EPM2A: variants seen among roughly 807,000 people sequenced by gnomAD.
EPM2A encodes laforin.
A neutral mutation model predicts 26.5 loss-of-function variants in EPM2A; 21 were observed. The ratio of observed to expected loss-of-function variants is 0.79; its 90% CI spans 0.56 to 1.14. The LOEUF (loss-of-function observed/expected upper bound fraction) is 1.14, where lower values mean the gene tolerates loss of function less well. EPM2A is among the 50% of genes most tolerant of loss of function. EPM2A has a pLI of 0.00. For synonymous variants in EPM2A, 217 were observed against 177.6 expected (o/e 1.22, Z -1.76); for missense variants, 458 against 440.8 (o/e 1.04, Z -0.35).
At chr6:145,480,988 C>T (rs939257806) in intron 4 of EPM2A, among the ~76,000 whole-genome samples, 1 of 152,088 alleles carries the variant, frequency 6.6e-6, no homozygotes, top group African/African-American at 2.4e-5. Flanking sequence ...AGAAAATTTG[C>T]ATTTGCATCT....
intron 1 of EPM2A, among the ~76,000 whole-genome samples, chr6:145,701,121 G>A (rs558866865): frequency 7.2e-4 from 110 of 152,256 alleles, no homozygotes; most frequent in African/African-American, 2.5e-3. Flanking sequence ...AAAAGAGGGC[G>A]TAATCCTGGC....
chr6:145,571,552 G>A (rs1780955737), intron 2 of EPM2A, among the ~76,000 whole-genome samples: 1 of 152,176 alleles, frequency 6.6e-6, no homozygotes, highest in African/African-American at 2.4e-5. Flanking sequence ...ATTTCAGTGA[G>A]GACAAACCTC....
intron 2 of EPM2A, among the ~76,000 whole-genome samples, chr6:145,577,989 A>G (rs182578639): frequency 5.3e-5 from 8 of 152,240 alleles, no homozygotes; most frequent in Admixed American, 4.6e-4. Context: ...AAATTTAAAA[A>G]TTTCTTGAAT....
chr6:145,491,854 G>A (rs1779759550), intron 4 of EPM2A: 1 of 516,420 alleles, frequency 1.9e-6, no homozygotes, highest in African/African-American at 2.0e-5. Context: ...ATTACAAAAG[G>A]TCATTTTACC....
intron 2 of EPM2A, among the ~76,000 whole-genome samples, chr6:145,569,636 A>G (rs956954866): frequency 3.9e-5 from 6 of 152,208 alleles, no homozygotes; most frequent in Non-Finnish European, 2.9e-5. Flanking sequence ...CTTTTTATGC[A>G]TAGCAATAAT....
chr6:145,490,164 C>T, intron 4 of EPM2A: 1 of 1,041,102 alleles, frequency 9.6e-7, no homozygotes. Flanking sequence ...GAAAGAACTT[C>T]TTCCATTACT....
chr6:145,416,007 T>A (rs1257856886), intron 4 of EPM2A, among the ~76,000 whole-genome samples: 2 of 152,184 alleles, frequency 1.3e-5, no homozygotes, highest in Non-Finnish European at 2.9e-5. Flanking sequence ...TTGGTTGTAC[T>A]GTGCTCTGGG....
intron 2 of EPM2A, among the ~76,000 whole-genome samples, chr6:145,541,275 GTA>G (rs1446281232): frequency 1.3e-5 from 2 of 148,868 alleles, no homozygotes; most frequent in Non-Finnish European, 3.0e-5. Context: ...ATATGTGTGT[GTA>G]TATATATAAA....
intron 2 of EPM2A, among the ~76,000 whole-genome samples, chr6:145,569,043 G>A (rs184723056): frequency 2.6e-5 from 4 of 152,294 alleles, no homozygotes; most frequent in Admixed American, 2.0e-4. Flanking sequence ...AATAATATGT[G>A]AATTGTTGAA....
intron 3 of EPM2A, among the ~76,000 whole-genome samples, chr6:145,633,439 CA>C (rs1776415622): frequency 6.6e-6 from 1 of 152,120 alleles, no homozygotes; most frequent in African/African-American, 2.4e-5. Context: ...TGAAGAAGGG[CA>C]GAGCTCTTAC....
At chr6:145,659,517 T>C (rs939814323) in intron 2 of EPM2A, among the ~76,000 whole-genome samples, 1 of 152,190 alleles carries the variant, frequency 6.6e-6, no homozygotes, top group Non-Finnish European at 1.5e-5. Flanking sequence ...ACTCTCCCTT[T>C]ATTAAAAAAT....
intron 2 of EPM2A, among the ~76,000 whole-genome samples, chr6:145,646,649 C>T (rs779484688): frequency 2.0e-5 from 3 of 152,170 alleles, no homozygotes; most frequent in African/African-American, 4.8e-5. Context: ...GTTCCAAACT[C>T]TGGTCTCCCT....
chr6:145,412,900 T>C (rs1778662175), intron 4 of EPM2A, among the ~76,000 whole-genome samples: 1 of 152,174 alleles, frequency 6.6e-6, no homozygotes, highest in African/African-American at 2.4e-5. Flanking sequence ...GGAAGGCATC[T>C]GGGGTTCTCT....
intron 2 of EPM2A, among the ~76,000 whole-genome samples, chr6:145,654,125 G>C (rs1778084501): frequency 6.6e-6 from 1 of 151,840 alleles, no homozygotes; most frequent in Non-Finnish European, 1.5e-5. Flanking sequence ...AGAACTCACT[G>C]TATATCTATT....
chr6:145,618,557 T>C (rs374987242), intron 2 of EPM2A, among the ~76,000 whole-genome samples: 108 of 152,190 alleles, frequency 7.1e-4, no homozygotes, highest in African/African-American at 2.5e-3. Flanking sequence ...TGAGTTCTCA[T>C]GAGATCTGAT....
intron 2 of EPM2A, among the ~76,000 whole-genome samples, chr6:145,672,630 C>G (rs1170425321): frequency 6.6e-6 from 1 of 152,238 alleles, no homozygotes; most frequent in Non-Finnish European, 1.5e-5. Context: ...CTCCCCAGTC[C>G]TAGCAAAAGA....
chr6:145,569,486 A>G (rs1730828613), intron 2 of EPM2A, among the ~76,000 whole-genome samples: 1 of 152,202 alleles, frequency 6.6e-6, no homozygotes, highest in Non-Finnish European at 1.5e-5. Context: ...CAAGAAATGA[A>G]TTGATTTTCA....
chr6:145,637,280 T>A (rs539337095), intron 2 of EPM2A: 87 of 152,364 alleles, frequency 5.7e-4, no homozygotes, highest in African/African-American at 1.9e-3. Flanking sequence ...TTTTTTTGTA[T>A]GAAAGCTAGC....
At chr6:145,681,795 G>A (rs1780557548) in intron 2 of EPM2A, among the ~76,000 whole-genome samples, 1 of 152,146 alleles carries the variant, frequency 6.6e-6, no homozygotes, top group South Asian at 2.1e-4. Context: ...GTGCTTGTCA[G>A]CTTATATATG....
Sources: gnomAD v4.1 joint callset for allele counts (sites outside exome capture counted in the v4.1 genomes callset) on GRCh38, gnomAD v4.1.1 for gene constraint, MANE v1.5 for transcripts, NCBI Gene and HGNC (gene_info 2026-07-23, HGNC 2026-07-21) for gene names.